NDUFAF2: variants seen among roughly 807,000 people sequenced by gnomAD.
The protein encoded by NDUFAF2 is NADH dehydrogenase [ubiquinone] 1 alpha subcomplex assembly factor 2.
In NDUFAF2, 13 loss-of-function variants were observed where a neutral mutation model predicts 22.8. The observed-to-expected ratio is 0.57, with a 90% CI of 0.37 to 0.91. The LOEUF is 0.91. NDUFAF2 is among the 40% of genes least tolerant of loss of function. NDUFAF2 has a pLI of 0.01. For missense variants in NDUFAF2, 162 were observed against 195.2 expected (o/e 0.83, Z 1.01); for synonymous variants, 53 against 64.2 (o/e 0.83, Z 0.84).
intron 1 of NDUFAF2, among the ~76,000 whole-genome samples, chr5:60,990,460 A>G (rs1427581483): frequency 1.3e-5 from 2 of 152,120 alleles, no homozygotes; most frequent in African/African-American, 2.4e-5. Flanking sequence ...ATTATGAGCA[A>G]TTCATAAGGT....
intron 3 of NDUFAF2, chr5:61,146,021 T>G (rs1402857590): frequency 2.0e-5 from 3 of 152,126 alleles, no homozygotes; most frequent in African/African-American, 7.2e-5. Flanking sequence ...GCCAAGACAG[T>G]GGTATAAAAC....
chr5:61,023,971 CTG>C (rs1340244306), intron 1 of NDUFAF2, among the ~76,000 whole-genome samples: 1 of 152,166 alleles, frequency 6.6e-6, no homozygotes, highest in Non-Finnish European at 1.5e-5. Context: ...GCTACAGTGT[CTG>C]TTTAAGCTTA....
intron 1 of NDUFAF2, among the ~76,000 whole-genome samples, chr5:61,020,489 T>C (rs1482106224): frequency 6.6e-6 from 1 of 152,174 alleles, no homozygotes. Flanking sequence ...AATTATCTTA[T>C]AATTTCCATT....
chr5:61,040,301 C>CGCGCGCGT (rs1421472540), intron 1 of NDUFAF2, among the ~76,000 whole-genome samples: 1 of 146,052 alleles, frequency 6.8e-6, no homozygotes, highest in African/African-American at 2.5e-5. Flanking sequence ...CGCGCGCGCG[C>CGCGCGCGT]GAAAGTTGAA....
intron 1 of NDUFAF2, among the ~76,000 whole-genome samples, chr5:61,003,055 A>G (rs1751317673): frequency 6.6e-6 from 1 of 152,116 alleles, no homozygotes; most frequent in Non-Finnish European, 1.5e-5. Context: ...CTGCTTTATT[A>G]TATATTTTTT....
rs202011706 is a variant in NDUFAF2, at chr5:61,106,680, ACCCC to A, written c.258+7652_258+7655del. On this transcript the variant is annotated intron_variant, in intron 3 of 3. Transcript: ENST00000296597. ...ATTTTTGTGCCCATTAACCATTCCC[ACCCC>A]CCCTAACACCCAGACTACCCTTCCC... is the stretch of plus-strand genomic sequence containing the variant. Among the ~76,000 whole-genome samples the A allele has an allele frequency of 6.8e-5, 10 of 146,830 alleles. 1 individual carries two copies. Among genetic ancestry groups the A allele is most frequent in the African/African-American group, 2.6e-4 (10 of 39,084 alleles).
chr5:61,075,163 G>A (rs1752352060), intron 2 of NDUFAF2, among the ~76,000 whole-genome samples: 1 of 152,150 alleles, frequency 6.6e-6, no homozygotes. Context: ...ATTTACCTGG[G>A]TTATATAGCT....
chr5:61,029,141 T>C (rs1278379258), intron 1 of NDUFAF2, among the ~76,000 whole-genome samples: 1 of 152,136 alleles, frequency 6.6e-6, no homozygotes, highest in Admixed American at 6.6e-5. Flanking sequence ...GTAGATGGTC[T>C]AGGTAAATAC....
chr5:61,152,291 GAA>G (rs534580482), intron 3 of NDUFAF2, among the ~76,000 whole-genome samples: 1 of 134,996 alleles, frequency 7.4e-6, no homozygotes, highest in Admixed American at 7.4e-5. Flanking sequence ...GAATGGCAAA[GAA>G]AAAAAAAAAA....
chr5:60,948,387 T>C (rs1685756096), intron 1 of NDUFAF2, among the ~76,000 whole-genome samples: 1 of 152,216 alleles, frequency 6.6e-6, no homozygotes, highest in Non-Finnish European at 1.5e-5. Flanking sequence ...TAACTTTTTG[T>C]ATCTTTAGTA....
At position 60,977,917 on chromosome 5, in the gene NDUFAF2, C is replaced by T. The variant is rs115206452; in HGVS notation, c.127+32535C>T. 7.2e-3 allele frequency among the ~76,000 whole-genome samples: 1,088 copies of T among 151,684 alleles called. 10 individuals are homozygous for T. The highest frequency in any genetic ancestry group is 0.025 in the African/African-American group (1,048 of 41,350). ...GGGAACACCAGATTGAACAACTATGCACATGAAAAAGCACCTTTATGAGAA... is the reference window on the plus strand; with the variant it reads ...GGGAACACCAGATTGAACAACTATGTACATGAAAAAGCACCTTTATGAGAA... On this transcript the variant is annotated intron_variant, in intron 1 of 3. Coordinates refer to ENST00000296597, the MANE Select transcript of NDUFAF2 (RefSeq NM_174889.5).
chr5:60,999,393 A>G (rs1417807322), intron 1 of NDUFAF2, among the ~76,000 whole-genome samples: 7 of 152,126 alleles, frequency 4.6e-5, no homozygotes, highest in Non-Finnish European at 7.4e-5. Context: ...CATAAAAAGG[A>G]TGAAGTACTA....
rs1751131885 is a variant in NDUFAF2 at position 60,989,642 on chromosome 5, G to A, written c.127+44260G>A. Among the ~76,000 whole-genome samples, 3 of 152,128 alleles carry A rather than the reference G, an allele frequency of 2.0e-5. 1 individual carries two copies. In the South Asian group the frequency reaches 6.2e-4, roughly 31 times the overall value. On this transcript the variant is annotated intron_variant, in intron 1 of 3. Transcript: ENST00000296597. ...CCATTATTCTTAGCAAACTAGCACA[G>A]GAACAGAAAACCAAATACTGCATGT...
chr5:61,074,068 AT>A (rs1752335572), intron 2 of NDUFAF2, among the ~76,000 whole-genome samples: 1 of 152,140 alleles, frequency 6.6e-6, no homozygotes, highest in African/African-American at 2.4e-5. Context: ...CCTCATAACC[AT>A]GTTATGTATT....
At chr5:61,006,577 T>G (rs188312631) in intron 1 of NDUFAF2, among the ~76,000 whole-genome samples, 1,822 of 152,316 alleles carry the variant, frequency 0.012, 14 homozygotes, top group South Asian at 0.027. Flanking sequence ...CCCATGAGCA[T>G]GGAATGTTCT....
intron 1 of NDUFAF2, among the ~76,000 whole-genome samples, chr5:61,010,274 T>C (rs1183416252): frequency 6.6e-6 from 1 of 152,144 alleles, no homozygotes; most frequent in Non-Finnish European, 1.5e-5. Flanking sequence ...GGATCAAGTC[T>C]AAGCTGCTGA....
At chr5:61,034,347 C>G (rs191837368) in intron 1 of NDUFAF2, among the ~76,000 whole-genome samples, 1 of 152,140 alleles carries the variant, frequency 6.6e-6, no homozygotes, top group Non-Finnish European at 1.5e-5. Context: ...TATATTTCCA[C>G]AAACCAAATG....
intron 3 of NDUFAF2, 108 bp downstream of exon 3, chr5:61,099,140 C>A: frequency 1.7e-6 from 1 of 590,652 alleles, no homozygotes; most frequent in Non-Finnish European, 2.8e-6. Context: ...TTTATTCCAT[C>A]ACAGAAAATA....
chr5:61,147,437 C>CTTTCTTTTTTTTTTTTT (rs1741156553), intron 3 of NDUFAF2, among the ~76,000 whole-genome samples: 2 of 84,726 alleles, frequency 2.4e-5, no homozygotes, highest in Non-Finnish European at 4.5e-5. Context: ...TTTTTTCTTT[C>CTTTCTTTTTTTTTTTTT]TTTTTTTTTT....
Sources: gnomAD v4.1 joint callset for allele counts (sites outside exome capture counted in the v4.1 genomes callset) on GRCh38, gnomAD v4.1.1 for gene constraint, MANE v1.5 for transcripts, NCBI Gene and HGNC (gene_info 2026-07-23, HGNC 2026-07-21) for gene names.